Variants in MITF observed in about 807,000 individuals in gnomAD.
The protein encoded by MITF is melanocyte inducing transcription factor.
In MITF, 17 loss-of-function variants were observed where a neutral mutation model predicts 60.5. That is an observed-to-expected ratio of 0.28 (90% CI 0.19 to 0.42). The LOEUF is 0.42. Ranked by LOEUF, MITF falls within the 10% of genes least tolerant of loss-of-function variation. The probability of loss-of-function intolerance (pLI) is 1.00; values close to 1 mark genes in which losing one functional copy is unlikely to be tolerated. For missense variants in MITF, 622 were observed against 683.5 expected, an observed-to-expected ratio of 0.91 and a Z score of 1.00; for synonymous variants, 260 against 248.5, an observed-to-expected ratio of 1.05 and a Z score of -0.43.
At chr3:69,898,490 A>G (rs2064926997) in intron 2 of MITF, among the ~76,000 whole-genome samples, 1 of 152,198 alleles carries the variant, frequency 6.6e-6, no homozygotes, top group African/African-American at 2.4e-5. Context: ...TAGAGTAAGT[A>G]TTGTAGTTAA....
At position 69,956,097 on chromosome 3, in the gene MITF, A is replaced by G. The variant is rs150212122; in HGVS notation, c.956-358A>G. Among the ~76,000 whole-genome samples the G allele has an allele frequency of 2.5e-3, 386 of 152,306 alleles. 2 individuals are homozygous for G. Among genetic ancestry groups the G allele is most frequent in the South Asian group, 0.014 (68 of 4,830 alleles). On this transcript the variant is annotated intron_variant, in intron 7 of 9. Coordinates refer to ENST00000352241, the MANE Select transcript of MITF (RefSeq NM_001354604.2). ...CAGAAAGTTTGCTGACTTCTGCTCT[A>G]AGGGGTTAGGTTAGAATTTGGGCTT... is the stretch of plus-strand genomic sequence containing the variant.
chr3:69,905,334 A>T (rs772373723), intron 2 of MITF, among the ~76,000 whole-genome samples: 1 of 152,020 alleles, frequency 6.6e-6, no homozygotes, highest in Non-Finnish European at 1.5e-5. Context: ...TATATTGCCA[A>T]CTGTATTCTT....
intron 5 of MITF, among the ~76,000 whole-genome samples, chr3:69,943,562 A>G (rs996780659): frequency 2.0e-5 from 3 of 152,162 alleles, no homozygotes; most frequent in Admixed American, 6.6e-5. Context: ...CTTATTAATT[A>G]TAATATCAAA....
chr3:69,749,404 G>C (rs1367080762), intron 1 of MITF, among the ~76,000 whole-genome samples: 1 of 152,228 alleles, frequency 6.6e-6, no homozygotes, highest in East Asian at 1.9e-4. Context: ...TTGCTCTGCT[G>C]TATTGGTGAG....
intron 2 of MITF, among the ~76,000 whole-genome samples, chr3:69,894,659 C>G (rs891331569): frequency 2.0e-5 from 3 of 149,496 alleles, no homozygotes; most frequent in African/African-American, 7.5e-5. Context: ...GCACCCCAGC[C>G]TGAGCAACAA....
At chr3:69,821,311 C>G (rs114870283) in intron 1 of MITF, among the ~76,000 whole-genome samples, 534 of 152,210 alleles carry the variant, frequency 3.5e-3, no homozygotes, top group African/African-American at 0.012. Context: ...TCTGCCCTGA[C>G]AATGCTGGAA....
At chr3:69,813,402 C>T (rs1230025403) in intron 1 of MITF, among the ~76,000 whole-genome samples, 2 of 152,148 alleles carry the variant, frequency 1.3e-5, no homozygotes, top group African/African-American at 2.4e-5. Context: ...TAATATCATT[C>T]CCTTTCTCAG....
intron 1 of MITF, among the ~76,000 whole-genome samples, chr3:69,804,410 C>T (rs1024148038): frequency 1.3e-4 from 20 of 151,634 alleles, no homozygotes; most frequent in Non-Finnish European, 2.4e-4. Flanking sequence ...TGCACCCTTT[C>T]GGGGTTGAGG....
At chr3:69,881,321 T>G (rs1225917795) in intron 2 of MITF, among the ~76,000 whole-genome samples, 2 of 152,106 alleles carry the variant, frequency 1.3e-5, no homozygotes, top group African/African-American at 4.8e-5. Context: ...AACTTCTGCT[T>G]TTTTATATTT....
intron 1 of MITF, among the ~76,000 whole-genome samples, chr3:69,760,267 T>C (rs1559613704): frequency 6.6e-6 from 1 of 152,084 alleles, no homozygotes; most frequent in Non-Finnish European, 1.5e-5. Flanking sequence ...GGACCATTGC[T>C]GAAAAATCCA....
intron 1 of MITF, among the ~76,000 whole-genome samples, chr3:69,751,060 C>A (rs1296340167): frequency 6.6e-6 from 1 of 151,630 alleles, no homozygotes; most frequent in African/African-American, 2.4e-5. Context: ...TGGCCCAAAT[C>A]TCAAAAAGGG....
At chr3:69,752,214 T>C (rs1703964217) in intron 1 of MITF, 1 of 152,112 alleles carries the variant, frequency 6.6e-6, no homozygotes, top group Non-Finnish European at 1.5e-5. Context: ...ATACAGAAAA[T>C]TGGTGCCAAG....
At chr3:69,917,834 T>C (rs1400704413) in intron 2 of MITF, among the ~76,000 whole-genome samples, 1 of 152,040 alleles carries the variant, frequency 6.6e-6, no homozygotes, top group Non-Finnish European at 1.5e-5. Flanking sequence ...AGATAGAGAC[T>C]GTTTTTTGTT....
intron 5 of MITF, among the ~76,000 whole-genome samples, chr3:69,946,844 C>G (rs1053055327): frequency 6.6e-6 from 1 of 152,126 alleles, no homozygotes; most frequent in Non-Finnish European, 1.5e-5. Context: ...ATGCTAATCA[C>G]AGCAGTACTT....
intron 1 of MITF, among the ~76,000 whole-genome samples, chr3:69,755,665 T>C (rs1251713050): frequency 2.0e-5 from 3 of 152,072 alleles, no homozygotes; most frequent in Non-Finnish European, 4.4e-5. Context: ...GTCCAAATAG[T>C]ATCCATCTTT....
chr3:69,871,634 T>C (rs1173778508), intron 1 of MITF, among the ~76,000 whole-genome samples: 1 of 152,208 alleles, frequency 6.6e-6, no homozygotes, highest in Non-Finnish European at 1.5e-5. Context: ...GTTGGAAACT[T>C]TGCATCTTGG....
chr3:69,753,686 G>T (rs1457202230), intron 1 of MITF, among the ~76,000 whole-genome samples: 1 of 152,230 alleles, frequency 6.6e-6, no homozygotes, highest in Non-Finnish European at 1.5e-5. Flanking sequence ...AGTCAAAGGA[G>T]ATTATTTTGG....
At chr3:69,911,786 G>T (rs1245395534) in intron 2 of MITF, among the ~76,000 whole-genome samples, 1 of 152,210 alleles carries the variant, frequency 6.6e-6, no homozygotes, top group East Asian at 1.9e-4. Context: ...TGTTTGGAGA[G>T]AAAAGGAAAT....
chr3:69,888,184 G>T (rs558553169), intron 2 of MITF, among the ~76,000 whole-genome samples: 117 of 152,106 alleles, frequency 7.7e-4, no homozygotes, highest in Non-Finnish European at 1.4e-3. Context: ...AAATTTAGGG[G>T]CTGGAAATTT....
Sources: gnomAD v4.1 joint callset for allele counts (sites outside exome capture counted in the v4.1 genomes callset) on GRCh38, gnomAD v4.1.1 for gene constraint, MANE v1.5 for transcripts, NCBI Gene and HGNC (gene_info 2026-07-23, HGNC 2026-07-21) for gene names.